RAB31: variants seen among roughly 807,000 people sequenced by gnomAD.
RAB31 encodes the protein ras-related protein Rab-31.
Under a neutral mutation model 25.6 loss-of-function variants are expected in RAB31, and 21 were observed. The ratio of observed to expected loss-of-function variants is 0.82; its 90% CI spans 0.58 to 1.18. RAB31 has a LOEUF of 1.18. Among genes scored for constraint, RAB31 ranks in the 50% most tolerant of loss-of-function variants. The pLI is 0.00. For missense variants in RAB31, 196 were observed against 250.1 expected (o/e 0.78, Z 1.46); for synonymous variants, 87 against 84.0 (o/e 1.04, Z -0.20).
At chr18:9,750,969 T>C (rs898464942) in intron 1 of RAB31, among the ~76,000 whole-genome samples, 7 of 152,218 alleles carry the variant, frequency 4.6e-5, no homozygotes, top group African/African-American at 1.7e-4. Context: ...ACTTCACTCC[T>C]GGAACGAGGC....
chr18:9,747,659 C>T (rs975239425), intron 1 of RAB31, among the ~76,000 whole-genome samples: 3 of 152,112 alleles, frequency 2.0e-5, no homozygotes, highest in Non-Finnish European at 4.4e-5. Context: ...CAGAGTAAGT[C>T]AGTACATGGA....
At chr18:9,804,966 G>T (rs2068532623) in intron 3 of RAB31, among the ~76,000 whole-genome samples, 1 of 152,196 alleles carries the variant, frequency 6.6e-6, no homozygotes, top group African/African-American at 2.4e-5. Flanking sequence ...AGCTATGAAG[G>T]TCAGAAGTCA....
chr18:9,743,531 C>G (rs2068190449), intron 1 of RAB31, among the ~76,000 whole-genome samples: 1 of 152,232 alleles, frequency 6.6e-6, no homozygotes, highest in Non-Finnish European at 1.5e-5. Context: ...GCCACCCTCT[C>G]ACAGCTCCCA....
chr18:9,838,933 C>T (rs2068718504), intron 5 of RAB31, among the ~76,000 whole-genome samples: 1 of 152,202 alleles, frequency 6.6e-6, no homozygotes, highest in African/African-American at 2.4e-5. Context: ...CCATAGATTC[C>T]TCCACTACCC....
chr18:9,854,038 T>C (rs932127732), intron 6 of RAB31, among the ~76,000 whole-genome samples: 1 of 151,008 alleles, frequency 6.6e-6, no homozygotes, highest in African/African-American at 2.4e-5. Flanking sequence ...GGTATACATA[T>C]GCCATAGTGG....
intron 6 of RAB31, among the ~76,000 whole-genome samples, chr18:9,846,000 A>T (rs2068760029): frequency 6.6e-6 from 1 of 152,188 alleles, no homozygotes; most frequent in Non-Finnish European, 1.5e-5. Flanking sequence ...TTATGTTAGG[A>T]GGAGAGAGAA....
At chr18:9,803,481 G>A (rs2068524320) in intron 3 of RAB31, among the ~76,000 whole-genome samples, 1 of 152,122 alleles carries the variant, frequency 6.6e-6, no homozygotes, top group African/African-American at 2.4e-5. Context: ...TTCTACCAAT[G>A]CAAACTGAGA....
At chr18:9,731,669 C>G (rs2068123612) in intron 1 of RAB31, among the ~76,000 whole-genome samples, 1 of 136,812 alleles carries the variant, frequency 7.3e-6, no homozygotes, top group South Asian at 2.2e-4. Context: ...GTGATCTTGG[C>G]TCACTGCAGC....
intron 3 of RAB31, among the ~76,000 whole-genome samples, chr18:9,792,571 A>G (rs3786430): frequency 0.1 from 15,668 of 152,098 alleles, 1,051 homozygotes; most frequent in South Asian, 0.14. Flanking sequence ...AAGGGTGGTA[A>G]CCATGGCCCC....
intron 1 of RAB31, among the ~76,000 whole-genome samples, chr18:9,732,034 G>A (rs1239701501): frequency 6.6e-6 from 1 of 152,118 alleles, no homozygotes; most frequent in Non-Finnish European, 1.5e-5. Flanking sequence ...ATTTACATGC[G>A]CAGAGGACAA....
In RAB31 at chr18:9,790,405, A is replaced by T. The variant is rs77227321; in HGVS notation, c.120-1749A>T. Among the ~76,000 whole-genome samples the T allele has an allele frequency of 3.2e-3, 473 of 149,130 alleles. 2 individuals are homozygous for T. The highest frequency in any genetic ancestry group is 9.7e-3 in the African/African-American group (393 of 40,562). ...ATGCTCAGCTGATTTAAAAAAAAAA[A>T]TTTTTTTTTTTGTAAAGAAGGAGTC... On this transcript the variant is annotated intron_variant, in intron 2 of 6. Transcript: ENST00000578921.
chr18:9,737,433 C>T (rs1048082040), intron 1 of RAB31, among the ~76,000 whole-genome samples: 13 of 152,078 alleles, frequency 8.5e-5, no homozygotes, highest in Admixed American at 3.3e-4. Context: ...GAGGCTGAGT[C>T]GGTGGTATAA....
At chr18:9,741,403 A>G (rs889304152) in intron 1 of RAB31, among the ~76,000 whole-genome samples, 3 of 147,336 alleles carry the variant, frequency 2.0e-5, no homozygotes, top group Admixed American at 6.7e-5. Context: ...AAAAAAAAAA[A>G]GGCAGCTGCT....
chr18:9,721,116 T>G (rs1031422118), intron 1 of RAB31, among the ~76,000 whole-genome samples: 21 of 152,224 alleles, frequency 1.4e-4, no homozygotes, highest in African/African-American at 4.6e-4. Flanking sequence ...AGGAAAGTTA[T>G]GAGCCTGTCT....
intron 6 of RAB31, among the ~76,000 whole-genome samples, chr18:9,853,696 A>G (rs1337408664): frequency 1.3e-5 from 2 of 152,228 alleles, no homozygotes; most frequent in Non-Finnish European, 2.9e-5. Flanking sequence ...CTTAATAGTA[A>G]TGTCTTCAGC....
intron 1 of RAB31, among the ~76,000 whole-genome samples, chr18:9,756,199 T>C (rs1486446072): frequency 6.6e-6 from 1 of 152,204 alleles, no homozygotes; most frequent in Non-Finnish European, 1.5e-5. Context: ...CCACATTCCT[T>C]TCCTCATGCA....
At position 9,708,886 on chromosome 18, in the gene RAB31, T is replaced by G. The variant is rs2068000981; in HGVS notation, c.39+442T>G. ...GGCTTTCTCCTCCGCTTTTGATAGTTTCCTTCCGGCAGAAAGTTTAAGTTG... is the reference window on the plus strand; with the variant it reads ...GGCTTTCTCCTCCGCTTTTGATAGTGTCCTTCCGGCAGAAAGTTTAAGTTG... On this transcript the variant is annotated intron_variant, in intron 1 of 6. Transcript: ENST00000578921. The surrounding 1 kb of genome is among the most constrained non-coding windows in gnomAD (Gnocchi z 6.4). Among the ~76,000 whole-genome samples the G allele has an allele frequency of 6.6e-6, 1 of 152,176 alleles. No individual in the cohort carries two copies. The highest frequency in any genetic ancestry group is 1.5e-5 in the Non-Finnish European group (1 of 68,024).
intron 1 of RAB31, among the ~76,000 whole-genome samples, chr18:9,770,473 A>T (rs150601684): frequency 6.6e-6 from 1 of 152,216 alleles, no homozygotes. Flanking sequence ...AAGTGTGACA[A>T]TTCAAACAGC....
chr18:9,745,486 AG>A (rs1433205590), intron 1 of RAB31, among the ~76,000 whole-genome samples: 3 of 152,240 alleles, frequency 2.0e-5, no homozygotes, highest in Non-Finnish European at 2.9e-5. Flanking sequence ...AGATATTACA[AG>A]AACACTATAG....
Sources: allele counts gnomAD v4.1 joint callset (sites outside exome capture counted in the v4.1 genomes callset), GRCh38; gene constraint gnomAD v4.1.1; non-coding constraint Gnocchi (gnomAD v3.1); transcripts MANE v1.5; gene names NCBI Gene and HGNC (gene_info 2026-07-23, HGNC 2026-07-21).